KCNH8: variants seen among roughly 807,000 people sequenced by gnomAD.
KCNH8 encodes the protein potassium voltage-gated channel subfamily H member 8, also known as voltage-gated delayed rectifier potassium channel KCNH8.
In KCNH8, 70 loss-of-function variants were observed where a neutral mutation model predicts 103.6. The ratio of observed to expected loss-of-function variants is 0.68; its 90% CI spans 0.56 to 0.82. KCNH8 has a LOEUF of 0.82. Among genes scored for constraint, KCNH8 ranks in the 40% least tolerant of loss-of-function variants. The probability of loss-of-function intolerance (pLI) is 0.00; values close to 1 mark genes in which losing one functional copy is unlikely to be tolerated. For missense variants in KCNH8, 1,217 were observed against 1,329.9 expected (o/e 0.92, Z 1.32); for synonymous variants, 498 against 489.4 (o/e 1.02, Z -0.23).
intron 7 of KCNH8, among the ~76,000 whole-genome samples, chr3:19,411,961 C>G (rs2066787283): frequency 6.6e-6 from 1 of 151,736 alleles, no homozygotes; most frequent in Non-Finnish European, 1.5e-5. Flanking sequence ...CCAACACAAT[C>G]TACAGACTCA....
chr3:19,194,819 T>A (rs1040792261), intron 1 of KCNH8, among the ~76,000 whole-genome samples: 1 of 151,804 alleles, frequency 6.6e-6, no homozygotes, highest in African/African-American at 2.4e-5. Flanking sequence ...ATACAGTGTT[T>A]CATTTTAAAT....
chr3:19,395,666 C>T (rs1286482840), intron 7 of KCNH8, among the ~76,000 whole-genome samples: 1 of 151,958 alleles, frequency 6.6e-6, no homozygotes, highest in African/African-American at 2.4e-5. Flanking sequence ...TATGGTCTAT[C>T]ACTACGATAA....
intron 2 of KCNH8, among the ~76,000 whole-genome samples, chr3:19,267,827 G>C (rs2064533898): frequency 6.6e-6 from 1 of 152,100 alleles, no homozygotes; most frequent in South Asian, 2.1e-4. Context: ...TATGAACTAT[G>C]TGATTTTGAG....
chr3:19,298,804 C>A (rs1472624255), intron 3 of KCNH8, among the ~76,000 whole-genome samples: 1 of 151,740 alleles, frequency 6.6e-6, no homozygotes, highest in African/African-American at 2.4e-5. Context: ...TGCCTGTAGT[C>A]CCAGCTACTC....
In KCNH8 at chr3:19,362,743, A is replaced by C. The variant is rs1178195210; in HGVS notation, c.811+14778A>C. Among the ~76,000 whole-genome samples the C allele has an allele frequency of 2.0e-5, 3 of 152,262 alleles. No individual in the cohort carries two copies. In the East Asian group the frequency reaches 5.8e-4, roughly 29 times the overall value. On this transcript the variant is annotated intron_variant, in intron 5 of 15. Coordinates refer to ENST00000328405, the MANE Select transcript of KCNH8 (RefSeq NM_144633.3). ...CAGTGGCACAATCACAGCTCACTGC[A>C]GCCTCAATCTCCCAGGGTGATGCTC...
chr3:19,451,936 A>G (rs1295356272), intron 10 of KCNH8, among the ~76,000 whole-genome samples: 1 of 152,194 alleles, frequency 6.6e-6, no homozygotes, highest in African/African-American at 2.4e-5. Flanking sequence ...AAGAAAACTT[A>G]CAAGATATAT....
intron 1 of KCNH8, among the ~76,000 whole-genome samples, chr3:19,216,039 G>T (rs77167710): frequency 0.02 from 2,987 of 152,300 alleles, 93 homozygotes; most frequent in African/African-American, 0.066. Flanking sequence ...TGTTTGCAAT[G>T]AACCATTTAT....
chr3:19,169,212 A>AAATCTCC (rs1260714878), intron 1 of KCNH8, among the ~76,000 whole-genome samples: 1 of 151,460 alleles, frequency 6.6e-6, no homozygotes, highest in Non-Finnish European at 1.5e-5. Context: ...ACTCCACCCC[A>AAATCTCC]AATCTCCAAA....
At chr3:19,368,627 A>AACTTT (rs2066044924) in intron 5 of KCNH8, among the ~76,000 whole-genome samples, 1 of 152,050 alleles carries the variant, frequency 6.6e-6, no homozygotes, top group South Asian at 2.1e-4. Context: ...AAGGCCATTG[A>AACTTT]ATAAAGATTA....
chr3:19,347,142 G>A (rs1248311971), intron 4 of KCNH8, among the ~76,000 whole-genome samples: 1 of 152,020 alleles, frequency 6.6e-6, no homozygotes, highest in African/African-American at 2.4e-5. Flanking sequence ...ACGAGATTTG[G>A]GTTCCCAACT....
At chr3:19,358,077 T>C (rs1054337974) in intron 5 of KCNH8, among the ~76,000 whole-genome samples, 7 of 151,932 alleles carry the variant, frequency 4.6e-5, no homozygotes, top group African/African-American at 4.8e-5. Flanking sequence ...GTCAGATTTC[T>C]CAGCAACAGT....
At position 19,297,121 on chromosome 3, in the gene KCNH8, G is replaced by A. The variant is rs373406283; in HGVS notation, c.442+15792G>A. 1.7e-4 allele frequency among the ~76,000 whole-genome samples: 26 copies of A among 152,050 alleles called. 3 individuals carry two copies. Among genetic ancestry groups the A allele is most frequent in the East Asian group, 7.7e-4 (4 of 5,180 alleles). Reference sequence around the variant, plus strand: ...TCAAGAAAATGGTTCAGAGTAATGCGAGCATTCAGAAATGTACTCAAGAGC... The same window carrying A: ...TCAAGAAAATGGTTCAGAGTAATGCAAGCATTCAGAAATGTACTCAAGAGC... On this transcript the variant is annotated intron_variant, in intron 3 of 15. Transcript: ENST00000328405.
At chr3:19,232,421 T>G (rs1380690093) in intron 1 of KCNH8, among the ~76,000 whole-genome samples, 1 of 151,646 alleles carries the variant, frequency 6.6e-6, no homozygotes, top group Non-Finnish European at 1.5e-5. Context: ...TAAAGGAGAG[T>G]TTCTATTTGC....
At chr3:19,154,300 G>A (rs1190027341) in intron 1 of KCNH8, among the ~76,000 whole-genome samples, 3 of 152,098 alleles carry the variant, frequency 2.0e-5, no homozygotes, top group South Asian at 2.1e-4. Flanking sequence ...AGAATAAGAG[G>A]CATTTTAAAG....
At chr3:19,248,000 CATA>C (rs1559441620) in intron 1 of KCNH8, among the ~76,000 whole-genome samples, 2 of 152,230 alleles carry the variant, frequency 1.3e-5, no homozygotes, top group Admixed American at 6.5e-5. Context: ...ATGCACAAGT[CATA>C]GTAGAAACAG....
At chr3:19,270,220 A>G (rs2064569005) in intron 2 of KCNH8, among the ~76,000 whole-genome samples, 1 of 152,152 alleles carries the variant, frequency 6.6e-6, no homozygotes, top group Non-Finnish European at 1.5e-5. Flanking sequence ...CAGAGACCAT[A>G]TGCTCTGTAA....
intron 7 of KCNH8, among the ~76,000 whole-genome samples, chr3:19,408,608 C>CA (rs1045703104): frequency 3.3e-5 from 5 of 151,522 alleles, no homozygotes; most frequent in East Asian, 1.9e-4. Context: ...AAAATCAACA[C>CA]AAAAAAAATT....
rs1222889799 is a variant in KCNH8, at chr3:19,534,058, A to C, written c.3283A>C (p.Ser1095Arg). 6.2e-7 allele frequency: 1 copy of C among 1,614,046 alleles called. No homozygotes were observed. The highest frequency in any genetic ancestry group is 1.7e-5 in the Admixed American group (1 of 60,008). Residue 1095 changes from serine to arginine, a missense_variant, in exon 16 of 16, where the codon AGC (serine) becomes CGC (arginine). Coordinates refer to ENST00000328405, the MANE Select transcript of KCNH8 (RefSeq NM_144633.3). ...GAACCTTCCACTGGAAGTTGTCACA[A>C]GCACAGCAGAAGTGAAAGATAACAA... ...LENLPLEVVTSTAEVKDNKAI... is the reference protein window; with the variant it reads ...LENLPLEVVTRTAEVKDNKAI...
intron 3 of KCNH8, among the ~76,000 whole-genome samples, chr3:19,340,662 T>A (rs1221497567): frequency 1.3e-5 from 2 of 152,280 alleles, no homozygotes; most frequent in East Asian, 3.9e-4. Context: ...GATTAAAAAT[T>A]TAAATGTTAA....
Sources: allele counts gnomAD v4.1 joint callset (sites outside exome capture counted in the v4.1 genomes callset), GRCh38; gene constraint gnomAD v4.1.1; transcripts MANE v1.5; gene names NCBI Gene and HGNC (gene_info 2026-07-23, HGNC 2026-07-21).